The following MUC5B variants were observed in gnomAD, a reference collection of about 807,000 sequenced individuals.
MUC5B encodes mucin 5B, oligomeric mucus/gel-forming.
A neutral mutation model predicts 376.9 loss-of-function variants in MUC5B; 116 were observed. The observed-to-expected ratio is 0.31, with a 90% CI of 0.26 to 0.36. The LOEUF is 0.36. MUC5B is among the 10% of genes least tolerant of loss of function. MUC5B has a pLI of 1.00. For synonymous variants in MUC5B, 3,517 were observed against 3,390.9 expected, an observed-to-expected ratio of 1.04 and a Z score of -1.29; for missense variants, 7,165 against 7,769.9, an observed-to-expected ratio of 0.92 and a Z score of 2.93.
At position 1,223,139 on chromosome 11, in the gene MUC5B, G is replaced by C. The variant is rs754845795; in HGVS notation, c.16G>C (p.Ala6Pro). Residue 6 changes from alanine to proline, a missense_variant, in exon 1 of 49, where the codon GCG becomes CCG. Around this residue, in one of 31 missense-constraint regions of MUC5B, gnomAD observed 640 missense variants for 733.0 expected, o/e 0.87. Coordinates refer to ENST00000529681, the MANE Select transcript of MUC5B (RefSeq NM_002458.3). MGAPS[A>P]CRTLVLALAA... ...AGCCCCCAGGATGGGTGCCCCGAGC[G>C]CGTGCCGGACGCTGGTGTTGGCTCT... The C allele has an allele frequency of 2.8e-6, 2 of 705,962 alleles. No individual in the cohort carries two copies. Among genetic ancestry groups the C allele is most frequent in the South Asian group, 3.0e-5 (2 of 67,432 alleles). The allele number at this position is 705,962 out of a possible 1,614,324, so 43.7% of individuals were successfully genotyped here.
Position 1,232,994 on chromosome 11 carries a change from CTG to C in MUC5B, c.2066-18_2066-17del, listed in dbSNP as rs1564933908. ...CTGCTCGGCCGCTGACCTGTCCCCC[CTG>C]GCCCCACCGACCACAGCCAAGTACA... On this transcript the variant is annotated splice_polypyrimidine_tract_variant and intron_variant, in intron 17 of 48. Coordinates refer to ENST00000529681, the MANE Select transcript of MUC5B (RefSeq NM_002458.3). 1.3e-6 allele frequency: 2 copies of C among 1,561,370 alleles called. No individual in the cohort carries two copies. The highest frequency in any genetic ancestry group is 4.7e-5 in the East Asian group (2 of 42,774).
rs1449097875 is a variant in MUC5B at position 1,227,386 on chromosome 11, T to C, written c.655T>C (p.Phe219Leu). ...DFNGLPAFNE[F>L]YAHNARLTPL... Reference sequence around the variant, plus strand: ...CAACGGCCTCCCGGCCTTCAACGAGTTCTATGCCCACAGTGAGTGCCACCT... The same window carrying C: ...CAACGGCCTCCCGGCCTTCAACGAGCTCTATGCCCACAGTGAGTGCCACCT... Residue 219 changes from phenylalanine to leucine, a missense_variant, in exon 6 of 49, where the codon TTC becomes CTC. Transcript: ENST00000529681. 2.5e-6 allele frequency: 4 copies of C among 1,610,824 alleles called. No individual in the cohort carries two copies. The Admixed American group carries it at 5.0e-5, about 20-fold the overall frequency.
Position 1,225,304 on chromosome 11 carries a change from C to T in MUC5B, c.71-377C>T, listed in dbSNP as rs1485552072. Among the ~76,000 whole-genome samples the T allele has an allele frequency of 2.0e-5, 3 of 152,384 alleles. 1 individual carries two copies. The highest frequency in any genetic ancestry group is 4.8e-5 in the African/African-American group (2 of 41,590). On this transcript the variant is annotated intron_variant, in intron 1 of 48. Transcript: ENST00000529681. ...CGAAATCCCCCCTTGGGGCGGCCAA[C>T]GCCTTTTCCTGATTCCATTTTCTCC...
chr11:1,249,672 A>T lies in MUC5B; in HGVS notation c.12792A>T (p.Gly4264=). The change falls in exon 31 of 49, where the codon GGA becomes GGT. Residue 4264 remains glycine (G), a synonymous_variant. Transcript: ENST00000529681. ...TTTATTTAST[G]STATPSSTPG... ...CAGCCACTACGACTGCATCCACTGGATCCACGGCCACCCCGTCCTCCACCC... is the reference window on the plus strand; with the variant it reads ...CAGCCACTACGACTGCATCCACTGGTTCCACGGCCACCCCGTCCTCCACCC... 1 of 1,602,116 alleles carries T rather than the reference A, an allele frequency of 6.2e-7. No individual in the cohort carries two copies. The highest frequency in any genetic ancestry group is 8.5e-7 in the Non-Finnish European group (1 of 1,174,730).
At chr11:1,236,607 C>T in intron 24 of MUC5B, 45 bp downstream of exon 24, 2 of 1,575,584 alleles carry the variant, frequency 1.3e-6, no homozygotes, top group Non-Finnish European at 1.7e-6. Flanking sequence ...GACCCTCTCA[C>T]AGTGACAGAA....
At position 1,248,626 on chromosome 11, in the gene MUC5B, C is replaced by G. The variant is rs201019065; in HGVS notation, c.11746C>G (p.Pro3916Ala). 20,174 of 1,561,492 alleles carry G rather than the reference C, an allele frequency of 0.013. 5 individuals are homozygous for G. The highest frequency in any genetic ancestry group is 0.012 in the Non-Finnish European group (13,326 of 1,133,072). ...PSSVPGTTHT[P>A]TVLTTTTTTV... ...CTCCGTCCCGGGGACCACCCACACC[C>G]CCACAGTGCTGACCACCACCACCAC... The change falls in exon 31 of 49, where the codon CCC (proline) becomes GCC (alanine). Residue 3916 changes from proline to alanine, a missense_variant. Coordinates refer to ENST00000529681, the MANE Select transcript of MUC5B (RefSeq NM_002458.3).
At chr11:1,240,825 G>T in intron 30 of MUC5B, 26 bp from the exon 31 acceptor site, 2 of 1,580,326 alleles carry the variant, frequency 1.3e-6, no homozygotes, top group Admixed American at 3.5e-5. Context: ...TGCTGAGCCA[G>T]GACCCCTTTC....
chr11:1,231,448 G>A lies in MUC5B; in HGVS notation c.1566G>A (p.Ser522=), dbSNP rs1164859149. Residue 522 remains serine, a synonymous_variant, in exon 14 of 49, where the codon TCG becomes TCA. Coordinates refer to ENST00000529681, the MANE Select transcript of MUC5B (RefSeq NM_002458.3). ...CCAACATCACCCTGTTCACACCCTC[G>A]AGCTTCTTCATCGTGGTGCAGACAG... ...SAANITLFTP[S]SFFIVVQTGL... 5.0e-6 allele frequency: 8 copies of A among 1,611,870 alleles called. No individual in the cohort carries two copies. The highest frequency in any genetic ancestry group is 2.2e-5 in the East Asian group (1 of 44,868).
chr11:1,229,934 C>A, intron 10 of MUC5B, 71 bp from the exon 11 acceptor site: 1 of 1,552,644 alleles, frequency 6.4e-7, no homozygotes. Flanking sequence ...CCTCCGCCTG[C>A]GGTGGGGGTG....
rs1156703298 is a variant in MUC5B, at chr11:1,256,213, C to T, written c.16124C>T (p.Thr5375Ile). Residue 5375 changes from threonine to isoleucine, a missense_variant, in exon 38 of 49, where the codon ACC becomes ATC. Thr to Ile is a moderately conservative substitution (Grantham distance 89). Coordinates refer to ENST00000529681, the MANE Select transcript of MUC5B (RefSeq NM_002458.3). ...CCATGCGGCCCCATACAGCCTGCCA[C>T]CTGCAACTCTAGGTAAGTACAGGGA... ...YKPCGPIQPA[T>I]CNSRNQSPQL... is the part of the protein sequence containing the mutation. The T allele has an allele frequency of 1.4e-6, 1 of 730,660 alleles. No individual in the cohort carries two copies. Among genetic ancestry groups the T allele is most frequent in the Non-Finnish European group, 2.5e-6 (1 of 393,054 alleles). The allele number at this position is 730,660 out of a possible 1,614,324, so 45.3% of individuals were successfully genotyped here.
In MUC5B at chr11:1,227,700, T is replaced by C. The variant is rs767706508; in HGVS notation, c.693T>C (p.Phe231=). 1 of 723,368 alleles carries C rather than the reference T, an allele frequency of 1.4e-6. No homozygotes were observed. Among genetic ancestry groups the C allele is most frequent in the South Asian group, 1.5e-5 (1 of 67,918 alleles). 44.8% of individuals were successfully genotyped at this position (723,368 alleles called of 1,614,324 possible). A position where few individuals can be genotyped will look rare whatever the true frequency, so the allele number is the denominator to read the frequency against. Residue 231 remains phenylalanine (F), a synonymous_variant, in exon 7 of 49, where the codon TTT becomes TTC. Transcript: ENST00000529681. ...ACGCCAGGCTGACCCCGCTCCAGTT[T>C]GGGAACCTGCAGAAGTTGGATGGGC... The part of the protein sequence containing the change: ...AHNARLTPLQ[F]GNLQKLDGPT...
chr11:1,237,470 A>G (rs553590227), intron 25 of MUC5B, among the ~76,000 whole-genome samples: 2 of 152,130 alleles, frequency 1.3e-5, no homozygotes, highest in East Asian at 1.9e-4. Context: ...ACCCTCCTCT[A>G]TGATCCCCAG....
chr11:1,248,639 C>G lies in MUC5B; in HGVS notation c.11759C>G (p.Thr3920Ser). Residue 3920 changes from threonine to serine, a missense_variant, in exon 31 of 49, where the codon ACC becomes AGC. Thr to Ser is a moderately conservative substitution (Grantham distance 58). Transcript: ENST00000529681. ...PGTTHTPTVL[T>S]TTTTTVATGS... is the part of the protein sequence containing the mutation. ...ACCACCCACACCCCCACAGTGCTGA[C>G]CACCACCACCACAACTGTGGCCACT... 1 of 1,569,074 alleles carries G rather than the reference C, an allele frequency of 6.4e-7. No homozygotes were observed.
At position 1,249,916 on chromosome 11, in the gene MUC5B, G is replaced by A; in HGVS notation, c.13036G>A (p.Ala4346Thr). Residue 4346 changes from alanine (A) to threonine (T), a missense_variant, in exon 31 of 49, where the codon GCC becomes ACC. This residue lies in a region of MUC5B where 431 missense variants were observed against 390.4 expected (regional missense o/e 1.10). Coordinates refer to ENST00000529681, the MANE Select transcript of MUC5B (RefSeq NM_002458.3). ...TLPEQTTTPV[A>T]TMSTIHPSST... is the part of the protein sequence containing the mutation. ...CCCAGAACAGACCACCACACCCGTG[G>A]CCACCATGTCCACAATCCACCCCTC... The A allele has an allele frequency of 1.2e-6, 2 of 1,610,660 alleles. No individual in the cohort carries two copies. Among genetic ancestry groups the A allele is most frequent in the Non-Finnish European group, 1.7e-6 (2 of 1,178,980 alleles).
In MUC5B at chr11:1,244,170, G is replaced by C; in HGVS notation, c.7290G>C (p.Pro2430=). The C allele has an allele frequency of 6.2e-7, 1 of 1,612,462 alleles. No individual in the cohort carries two copies. The highest frequency in any genetic ancestry group is 1.1e-5 in the South Asian group (1 of 90,994). ...TSSTAMPSST[P]GTTWILTELT... is the part of the protein sequence containing the mutation. ...CTACGGCCATGCCCTCCTCCACTCC[G>C]GGGACGACCTGGATCCTCACAGAGC... is the stretch of plus-strand genomic sequence containing the variant. The change falls in exon 31 of 49, where the codon CCG becomes CCC. Residue 2430 remains proline, a synonymous_variant. Coordinates refer to ENST00000529681, the MANE Select transcript of MUC5B (RefSeq NM_002458.3).
chr11:1,254,664 C>G, intron 34 of MUC5B, 30 bp from the exon 35 acceptor site: 1 of 1,598,282 alleles, frequency 6.3e-7, no homozygotes, highest in East Asian at 2.2e-5. Flanking sequence ...GCACTGCCTC[C>G]CAGCTCAGGG....
In MUC5B at chr11:1,248,433, C is replaced by A. The variant is rs1016672484; in HGVS notation, c.11553C>A (p.Ala3851=). 5 of 1,610,454 alleles carry A rather than the reference C, an allele frequency of 3.1e-6. No individual in the cohort carries two copies. In the African/African-American group the frequency reaches 5.4e-5, roughly 17 times the overall value. Residue 3851 remains alanine, a synonymous_variant, in exon 31 of 49, where the codon GCC becomes GCA. Coordinates refer to ENST00000529681, the MANE Select transcript of MUC5B (RefSeq NM_002458.3). ...CAACCAGGGCCACCGGCTCTGTGGC[C>A]ACCCCCTCTTCCACCCCAGGAACAG... ...ATTTRATGSV[A]TPSSTPGTAH...
chr11:1,238,926 C>T lies in MUC5B; in HGVS notation c.3353C>T (p.Ser1118Leu), dbSNP rs1291398016. Residue 1118 changes from serine to leucine, a missense_variant, in exon 26 of 49, where the codon TCG becomes TTG. Coordinates refer to ENST00000529681, the MANE Select transcript of MUC5B (RefSeq NM_002458.3). ...ACVNDACACD[S>L]GGDCECFCTA... ...GTGAACGACGCGTGTGCCTGCGACT[C>T]GGGTGGCGACTGCGAGTGTTTCTGC... The T allele has an allele frequency of 3.2e-6, 5 of 1,572,566 alleles. No individual in the cohort carries two copies. Among genetic ancestry groups the T allele is most frequent in the Admixed American group, 3.7e-5 (2 of 54,060 alleles).
Position 1,233,058 on chromosome 11 carries a change from T to C in MUC5B, c.2111T>C (p.Val704Ala). ...NCPKSQRYAY[V>A]VDACQPTCRG... ...CCCAAGTCCCAGCGCTACGCCTACG[T>C]GGTGGATGCCTGCCAGCCCACTTGC... is the stretch of plus-strand genomic sequence containing the variant. Residue 704 changes from valine (V) to alanine (A), a missense_variant, in exon 18 of 49, where the codon GTG (valine) becomes GCG (alanine). Coordinates refer to ENST00000529681, the MANE Select transcript of MUC5B (RefSeq NM_002458.3). 4 of 1,605,216 alleles carry C rather than the reference T, an allele frequency of 2.5e-6. No individual in the cohort carries two copies. The highest frequency in any genetic ancestry group is 3.4e-6 in the Non-Finnish European group (4 of 1,178,724).
Sources: allele counts gnomAD v4.1 joint callset (sites outside exome capture counted in the v4.1 genomes callset), GRCh38; gene constraint gnomAD v4.1.1; regional missense constraint gnomAD v4.1.1; transcripts MANE v1.5; gene names NCBI Gene and HGNC (gene_info 2026-07-23, HGNC 2026-07-21).